COL24A1: variants seen among roughly 807,000 people sequenced by gnomAD.
COL24A1 encodes the protein collagen alpha-1(XXIV) chain.
A neutral mutation model predicts 253.9 loss-of-function variants in COL24A1; 224 were observed. The ratio of observed to expected loss-of-function variants is 0.88; its 90% CI spans 0.79 to 0.99. The LOEUF is 0.99. COL24A1 is among the 50% of genes least tolerant of loss of function. The pLI is 0.00. For missense variants in COL24A1, 2,131 were observed against 2,068.5 expected, an observed-to-expected ratio of 1.03 and a Z score of -0.59; for synonymous variants, 685 against 673.7, an observed-to-expected ratio of 1.02 and a Z score of -0.26.
At chr1:86,102,694 C>A (rs1373333038) in intron 5 of COL24A1, among the ~76,000 whole-genome samples, 2 of 152,026 alleles carry the variant, frequency 1.3e-5, no homozygotes, top group Non-Finnish European at 2.9e-5. Context: ...TGGTTTTGAG[C>A]AATTTTCTTA....
rs370426778 is a variant in COL24A1, at chr1:86,125,749, G to A, written c.587C>T (p.Thr196Ile). 6 of 1,611,368 alleles carry A rather than the reference G, an allele frequency of 3.7e-6. No homozygotes were observed. The East Asian group carries it at 1.3e-4, about 36-fold the overall frequency. Residue 196 changes from threonine (T) to isoleucine (I), a missense_variant, in exon 3 of 60, where the codon ACC becomes ATC. By Grantham distance (89) the Thr-to-Ile change is moderately conservative. Coordinates refer to ENST00000370571, the MANE Select transcript of COL24A1 (RefSeq NM_152890.7). ...AGTAAACACACTATTAGAATCAAAG[G>A]TCTGAACTTCTGGAATAGTCTCTGT... is the stretch of plus-strand genomic sequence containing the variant. ...FSTETIPEVQTFDSNSVFTLG... is the reference protein window; with the variant it reads ...FSTETIPEVQIFDSNSVFTLG...
intron 12 of COL24A1, among the ~76,000 whole-genome samples, chr1:86,036,391 A>G (rs1235526806): frequency 6.6e-6 from 1 of 152,024 alleles, no homozygotes; most frequent in East Asian, 1.9e-4. Flanking sequence ...TCATATGTTG[A>G]TCATGTATTA....
At chr1:85,901,169 C>CTA (rs771252358) in intron 28 of COL24A1, among the ~76,000 whole-genome samples, 3 of 152,072 alleles carry the variant, frequency 2.0e-5, no homozygotes, top group Non-Finnish European at 2.9e-5. Flanking sequence ...TGACAAGGAA[C>CTA]TATATATCCA....
At chr1:85,775,649 T>C (rs763183949) in intron 53 of COL24A1, 25 bp downstream of exon 53, 1 of 1,598,912 alleles carries the variant, frequency 6.3e-7, no homozygotes, top group East Asian at 2.2e-5. Flanking sequence ...AGGGTTACTA[T>C]AATCACAAAT....
intron 27 of COL24A1, among the ~76,000 whole-genome samples, 194 bp downstream of exon 27, chr1:85,908,404 A>G (rs1000145519): frequency 9.9e-5 from 15 of 151,756 alleles, no homozygotes; most frequent in African/African-American, 3.6e-4. Context: ...TTGATTGTAT[A>G]CCAAGTAGAG....
In COL24A1 at chr1:85,868,855, G is replaced by T; in HGVS notation, c.3139-20C>A. 6.5e-7 allele frequency: 1 copy of T among 1,545,678 alleles called. No homozygotes were observed. Among genetic ancestry groups the T allele is most frequent in the Non-Finnish European group, 8.7e-7 (1 of 1,143,538 alleles). On this transcript the variant is annotated intron_variant, in intron 35 of 59. Coordinates refer to ENST00000370571, the MANE Select transcript of COL24A1 (RefSeq NM_152890.7). Reference sequence around the variant, plus strand: ...TTCACCCTATTTTGTAGCAGAAAGAGTATGATTGAGTTTTTTTTTGCTATA... The same window carrying T: ...TTCACCCTATTTTGTAGCAGAAAGATTATGATTGAGTTTTTTTTTGCTATA...
chr1:85,909,952 T>C lies in COL24A1; in HGVS notation c.2668A>G (p.Met890Val), dbSNP rs1297452445. Residue 890 changes from methionine to valine, a missense_variant and splice_region_variant, in exon 26 of 60, where the codon ATG becomes GTG. Transcript: ENST00000370571. The part of the protein sequence containing the change: ...PLGPQGEKGV[M>V]GYPGPPGVPG... ...TTTTCAAATCACTGAGCTCTTACCA[T>C]AACACCTTTTTCTCCCTGCGGACCT... 6.2e-6 allele frequency: 10 copies of C among 1,609,078 alleles called. No individual in the cohort carries two copies. The highest frequency in any genetic ancestry group is 1.7e-4 in the Middle Eastern group (1 of 6,042).
chr1:85,924,881 T>G (rs1403419016), intron 24 of COL24A1, among the ~76,000 whole-genome samples: 4 of 152,196 alleles, frequency 2.6e-5, no homozygotes, highest in African/African-American at 9.7e-5. Context: ...GAAGTGAAAT[T>G]GTCCATGTTT....
chr1:85,804,637 C>T (rs975092434), intron 47 of COL24A1, among the ~76,000 whole-genome samples: 5 of 152,144 alleles, frequency 3.3e-5, no homozygotes, highest in Admixed American at 3.3e-4. Flanking sequence ...TTGTGCAGGG[C>T]AACTCCCGTT....
Position 86,146,197 on chromosome 1 carries a change from A to G in COL24A1, c.57-14T>C, listed in dbSNP as rs947909527. 1.9e-6 allele frequency: 3 copies of G among 1,607,116 alleles called. No homozygotes were observed. In the African/African-American group the frequency reaches 4.0e-5, roughly 22 times the overall value. On this transcript the variant is annotated splice_polypyrimidine_tract_variant and intron_variant, in intron 1 of 59. Coordinates refer to ENST00000370571, the MANE Select transcript of COL24A1 (RefSeq NM_152890.7). ...AGAAGTGATTTCCTAGGAAAAGAAA[A>G]AAGCATTTGGGAAAAACTTACTAGT...
At chr1:85,820,818 T>C (rs554692497) in intron 45 of COL24A1, among the ~76,000 whole-genome samples, 1 of 152,322 alleles carries the variant, frequency 6.6e-6, no homozygotes, top group African/African-American at 2.4e-5. Flanking sequence ...TTGAAAGGCT[T>C]CTGTTCATTG....
chr1:86,067,847 T>C (rs1036661346), intron 7 of COL24A1, among the ~76,000 whole-genome samples: 4 of 152,212 alleles, frequency 2.6e-5, no homozygotes, highest in African/African-American at 9.7e-5. Context: ...TTTTAAAAAC[T>C]AGTATTTGAG....
chr1:85,743,053 T>G (rs977700615), intron 57 of COL24A1, among the ~76,000 whole-genome samples: 9 of 152,172 alleles, frequency 5.9e-5, no homozygotes. Flanking sequence ...GTCTTCCTGA[T>G]TGTATTTGCA....
At chr1:86,033,821 A>G in intron 13 of COL24A1, 49 bp downstream of exon 13, 1 of 1,513,804 alleles carries the variant, frequency 6.6e-7, no homozygotes, top group Non-Finnish European at 9.1e-7. Flanking sequence ...AGTGCTATGA[A>G]GTATGAATGA....
chr1:85,889,449 A>G, intron 32 of COL24A1, 111 bp downstream of exon 32: 3 of 898,644 alleles, frequency 3.3e-6, no homozygotes, highest in Non-Finnish European at 5.4e-6. Context: ...GGTGTCTATG[A>G]TAAATGCTGC....
At chr1:86,112,452 G>T in intron 5 of COL24A1, 115 bp downstream of exon 5, 1 of 827,078 alleles carries the variant, frequency 1.2e-6, no homozygotes, top group Non-Finnish European at 1.9e-6. Flanking sequence ...CTCTGGAGGT[G>T]ACAGAGATCC....
At chr1:85,925,469 A>G (rs1284219420) in intron 24 of COL24A1, among the ~76,000 whole-genome samples, 3 of 152,166 alleles carry the variant, frequency 2.0e-5, no homozygotes, top group Non-Finnish European at 4.4e-5. Context: ...TGTTACCAAA[A>G]CAGAGCTATA....
At position 85,786,386 on chromosome 1, in the gene COL24A1, A is replaced by G; in HGVS notation, c.4027T>C (p.Leu1343=). The G allele has an allele frequency of 6.2e-7, 1 of 1,613,884 alleles. No individual in the cohort carries two copies. The highest frequency in any genetic ancestry group is 8.5e-7 in the Non-Finnish European group (1 of 1,179,838). The change falls in exon 48 of 60, where the codon TTG becomes CTG. Residue 1343 remains leucine, a synonymous_variant. Transcript: ENST00000370571. Reference sequence around the variant, plus strand: ...CCTTGAATTCCTGGGCTTCCTGGCAAGCCTGATGAACCCTTTACTCCTGGA... The same window carrying G: ...CCTTGAATTCCTGGGCTTCCTGGCAGGCCTGATGAACCCTTTACTCCTGGA... ...GPPGVKGSSG[L]PGSPGIQGPK...
At chr1:86,057,001 A>G (rs1024545845) in intron 10 of COL24A1, among the ~76,000 whole-genome samples, 1 of 152,168 alleles carries the variant, frequency 6.6e-6, no homozygotes, top group African/African-American at 2.4e-5. Flanking sequence ...TATACACTAC[A>G]TATATGATAT....
Sources: gnomAD v4.1 joint callset for allele counts (sites outside exome capture counted in the v4.1 genomes callset) on GRCh38, gnomAD v4.1.1 for gene constraint, MANE v1.5 for transcripts, NCBI Gene and HGNC (gene_info 2026-07-23, HGNC 2026-07-21) for gene names.